SPMIP5: variants seen among roughly 807,000 people sequenced by gnomAD.
SPMIP5 encodes the protein sperm microtubule inner protein 5, also known as sperm-associated microtubule inner protein 5.
chr10:116,665,859 C>T, the SPMIP5 span: 2 of 1,563,152 alleles, frequency 1.3e-6, no homozygotes, highest in African/African-American at 1.4e-5. Flanking sequence ...CAGCCTTCAG[C>T]AAGACTGGCC....
At chr10:116,665,634 T>C in the SPMIP5 span, 7 of 1,613,906 alleles carry the variant, frequency 4.3e-6, no homozygotes, top group South Asian at 2.2e-5. Context: ...GTACTGCAGA[T>C]TGTACTGGTG....
At chr10:116,662,800 T>A in the SPMIP5 span, among the ~76,000 whole-genome samples, 399 of 152,270 alleles carry the variant, frequency 2.6e-3, 2 homozygotes, top group African/African-American at 8.9e-3. Context: ...TATTTGGAAC[T>A]AGAGTCATTG....
chr10:116,664,602 T>C, the SPMIP5 span: 3 of 1,382,706 alleles, frequency 2.2e-6, no homozygotes, highest in Non-Finnish European at 1.9e-6. Context: ...ACCTGCCTAC[T>C]GGGGAAGCCC....
the SPMIP5 span, among the ~76,000 whole-genome samples, chr10:116,666,839 G>A: frequency 0.95 from 145,061 of 152,314 alleles, 69,490 homozygotes; most frequent in East Asian, 1. Context: ...TATATGCACA[G>A]ACATAAGCAT....
At chr10:116,664,065 C>T in the SPMIP5 span, 24 of 1,606,264 alleles carry the variant, frequency 1.5e-5, no homozygotes, top group Non-Finnish European at 1.9e-5. Flanking sequence ...GGAGAGGAAC[C>T]GTCCGTGTGA....
chr10:116,664,701 C>T, the SPMIP5 span: 3 of 1,579,062 alleles, frequency 1.9e-6, no homozygotes, highest in Non-Finnish European at 2.6e-6. Context: ...AACCCCCATC[C>T]TGGGTTTGCA....
the SPMIP5 span, chr10:116,665,921 T>G: frequency 9.3e-7 from 1 of 1,073,040 alleles, no homozygotes; most frequent in Non-Finnish European, 1.4e-6. Flanking sequence ...GCCCACCCTT[T>G]GGCATTTCTT....
chr10:116,667,552 G>A, the SPMIP5 span, among the ~76,000 whole-genome samples: 1 of 152,212 alleles, frequency 6.6e-6, no homozygotes, highest in Non-Finnish European at 1.5e-5. Flanking sequence ...ACCAGAGTGA[G>A]GTTGGGCAAC....
At chr10:116,667,710 G>A in the SPMIP5 span, among the ~76,000 whole-genome samples, 1 of 152,192 alleles carries the variant, frequency 6.6e-6, no homozygotes. Context: ...ATAGCCTCTA[G>A]GTAGGGCAAC....
chr10:116,665,830 CA>C, the SPMIP5 span: 1 of 1,602,874 alleles, frequency 6.2e-7, no homozygotes, highest in African/African-American at 1.3e-5. Context: ...ACAAAGCCTG[CA>C]AGAGCCGAAT....
At chr10:116,668,167 G>T in the SPMIP5 span, 2 of 1,284,500 alleles carry the variant, frequency 1.6e-6, no homozygotes, top group Non-Finnish European at 2.3e-6. Flanking sequence ...CCAGTTGGCT[G>T]CACAGACACA....
At chr10:116,668,972 A>ACACACACAC in the SPMIP5 span, among the ~76,000 whole-genome samples, 25 of 58,938 alleles carry the variant, frequency 4.2e-4, no homozygotes, top group African/African-American at 9.3e-4. Context: ...CACACACACA[A>ACACACACAC]ACAAGGGAGA....
At chr10:116,663,786 G>T in the SPMIP5 span, 4 of 1,142,172 alleles carry the variant, frequency 3.5e-6, no homozygotes, top group Non-Finnish European at 2.4e-6. Context: ...GATGCAGGCG[G>T]CAGTTAAAAA....
chr10:116,668,228 G>C, the SPMIP5 span: 10 of 1,604,628 alleles, frequency 6.2e-6, no homozygotes, highest in Non-Finnish European at 8.5e-6. Flanking sequence ...TCCCCTGCCA[G>C]GCACAGCTGC....
chr10:116,668,395 GT>G, the SPMIP5 span: 9 of 1,204,780 alleles, frequency 7.5e-6, no homozygotes, highest in South Asian at 1.1e-4. Flanking sequence ...ACTATTGAGT[GT>G]GCACAAGCTC....
chr10:116,670,121 G>C, the SPMIP5 span: 1 of 152,306 alleles, frequency 6.6e-6, no homozygotes, highest in Non-Finnish European at 1.5e-5. Flanking sequence ...GCACAGCCCG[G>C]ACCCCGGTGT....
chr10:116,666,661 C>A, the SPMIP5 span, among the ~76,000 whole-genome samples: 1 of 152,130 alleles, frequency 6.6e-6, no homozygotes, highest in Non-Finnish European at 1.5e-5. Flanking sequence ...AACCTAATTA[C>A]TAAACTAATC....
At chr10:116,668,521 G>C in the SPMIP5 span, among the ~76,000 whole-genome samples, 1 of 152,082 alleles carries the variant, frequency 6.6e-6, no homozygotes, top group African/African-American at 2.4e-5. Flanking sequence ...ATTACCAAGG[G>C]CCCATCACCT....
the SPMIP5 span, chr10:116,665,404 C>CAAAAAAAAAAAA: frequency 3.6e-6 from 1 of 281,378 alleles, no homozygotes; most frequent in Non-Finnish European, 6.2e-6. Flanking sequence ...GACTCCGTCT[C>CAAAAAAAAAAAA]AAAAAAAAAA....
Sources: allele counts gnomAD v4.1 joint callset (sites outside exome capture counted in the v4.1 genomes callset), GRCh38; gene constraint gnomAD v4.1.1; transcripts MANE v1.5; gene names NCBI Gene and HGNC (gene_info 2026-07-23, HGNC 2026-07-21).